The following GRAMD1B variants were observed in gnomAD, a reference collection of about 807,000 sequenced individuals.
The protein encoded by GRAMD1B is GRAM domain containing 1B, also known as protein Aster-B.
Under a neutral mutation model 99.7 loss-of-function variants are expected in GRAMD1B, and 37 were observed. The observed-to-expected ratio is 0.37, with a 90% CI of 0.29 to 0.49. The LOEUF (loss-of-function observed/expected upper bound fraction) is 0.49. Among genes scored for constraint, GRAMD1B ranks in the 20% least tolerant of loss-of-function variants. GRAMD1B has a pLI of 0.98. For synonymous variants in GRAMD1B, 427 were observed against 387.6 expected (o/e 1.10, Z -1.19); for missense variants, 888 against 1,009.2 (o/e 0.88, Z 1.63).
intron 1 of GRAMD1B, among the ~76,000 whole-genome samples, chr11:123,403,060 C>T (rs1213314693): frequency 6.6e-6 from 1 of 151,872 alleles, no homozygotes; most frequent in Non-Finnish European, 1.5e-5. Flanking sequence ...CTTCAGAAGC[C>T]CTCTGTGGAC....
intron 2 of GRAMD1B, among the ~76,000 whole-genome samples, chr11:123,500,092 C>T (rs1939704938): frequency 1.3e-5 from 2 of 152,182 alleles, no homozygotes; most frequent in South Asian, 4.1e-4. Flanking sequence ...CTTTGGGAGG[C>T]CGAGGCAGGC....
At chr11:123,462,890 T>TAA (rs55643501) in intron 1 of GRAMD1B, among the ~76,000 whole-genome samples, 23,786 of 120,722 alleles carry the variant, frequency 0.2, 2,018 homozygotes, top group East Asian at 0.3. Context: ...AAAAAATAAA[T>TAA]TAAAAAAAAA....
chr11:123,381,709 T>A (rs1377309737), intron 1 of GRAMD1B, among the ~76,000 whole-genome samples: 1 of 152,192 alleles, frequency 6.6e-6, no homozygotes, highest in Non-Finnish European at 1.5e-5. Flanking sequence ...GGGGAACAAA[T>A]ACATCAACGT....
In GRAMD1B at chr11:123,548,312, A is replaced by G. The variant is rs1367915664; in HGVS notation, c.453-29055A>G. On this transcript the variant is annotated intron_variant, in intron 2 of 19. Coordinates refer to ENST00000635736, the MANE Select transcript of GRAMD1B (RefSeq NM_001387025.1). ...CCAAAATATATATATATATATATAT[A>G]TATATATATATATACACACACACAC... 1.2e-4 allele frequency among the ~76,000 whole-genome samples: 11 copies of G among 92,596 alleles called. 1 individual carries two copies. The highest frequency in any genetic ancestry group is 6.3e-4 in the African/African-American group (11 of 17,594). The allele number at this position is 92,596 out of a possible 152,430, so 60.7% of individuals were successfully genotyped here.
chr11:123,513,871 G>A (rs147899823), intron 2 of GRAMD1B, among the ~76,000 whole-genome samples: 4,310 of 151,930 alleles, frequency 0.028, 205 homozygotes, highest in African/African-American at 0.092. Context: ...GCCCAGGCTG[G>A]TCTCGAACTC....
chr11:123,548,325 T>TATATACACACACACACACAC (rs1555067740), intron 2 of GRAMD1B, among the ~76,000 whole-genome samples: 6 of 86,892 alleles, frequency 6.9e-5, no homozygotes, highest in South Asian at 4.4e-4. Context: ...TATATATATA[T>TATATACACACACACACACAC]ACACACACAC....
At chr11:123,473,343 C>T (rs1370751166) in intron 1 of GRAMD1B, among the ~76,000 whole-genome samples, 2 of 152,148 alleles carry the variant, frequency 1.3e-5, no homozygotes, top group East Asian at 1.9e-4. Flanking sequence ...GGATTACAGG[C>T]GTGAGCCACC....
intron 2 of GRAMD1B, chr11:123,560,683 C>CGTGTGT (rs749623875): frequency 1.4e-4 from 61 of 426,324 alleles, no homozygotes; most frequent in Non-Finnish European, 2.0e-4. Context: ...ACGCCTGGTG[C>CGTGTGT]GTGTGTGTGT....
rs1034786800 is a variant in GRAMD1B at position 123,580,098 on chromosome 11, C to T, written c.663+2521C>T. ...ACTGATCATTGCCATCGACACTTGC[C>T]CTGCCATCCTTTCAATGGAGTTAAA... On this transcript the variant is annotated intron_variant, in intron 3 of 19. Coordinates refer to ENST00000635736, the MANE Select transcript of GRAMD1B (RefSeq NM_001387025.1). Among the ~76,000 whole-genome samples the T allele has an allele frequency of 2.6e-5, 4 of 152,304 alleles. No homozygotes were observed. The East Asian group carries it at 7.7e-4, about 29-fold the overall frequency.
intron 1 of GRAMD1B, chr11:123,459,199 C>T (rs1950298221): frequency 6.8e-6 from 1 of 147,666 alleles, no homozygotes; most frequent in African/African-American, 2.5e-5. Flanking sequence ...AAATAAGACA[C>T]TTCTATATAT....
chr11:123,389,899 C>T (rs570698538), intron 1 of GRAMD1B, among the ~76,000 whole-genome samples: 9 of 152,044 alleles, frequency 5.9e-5, no homozygotes, highest in Admixed American at 1.3e-4. Context: ...GGATTACAAG[C>T]GTATGCCACA....
chr11:123,528,268 A>G (rs1943005164), intron 2 of GRAMD1B, among the ~76,000 whole-genome samples: 1 of 152,228 alleles, frequency 6.6e-6, no homozygotes, highest in African/African-American at 2.4e-5. Context: ...CAAGATGACC[A>G]AATCTATTGA....
intron 1 of GRAMD1B, among the ~76,000 whole-genome samples, chr11:123,372,167 A>T (rs1243505930): frequency 6.6e-6 from 1 of 152,238 alleles, no homozygotes; most frequent in African/African-American, 2.4e-5. Flanking sequence ...GTAATTACCC[A>T]GCACTTCAAT....
At chr11:123,561,021 C>T (rs1026912211) in intron 2 of GRAMD1B, among the ~76,000 whole-genome samples, 3 of 152,202 alleles carry the variant, frequency 2.0e-5, no homozygotes, top group Middle Eastern at 3.4e-3. Flanking sequence ...CTTTTCTCCT[C>T]TATAGTAGCA....
At chr11:123,546,704 G>A (rs1202833778) in intron 2 of GRAMD1B, among the ~76,000 whole-genome samples, 1 of 152,202 alleles carries the variant, frequency 6.6e-6, no homozygotes, top group Non-Finnish European at 1.5e-5. Flanking sequence ...GGGTTTTGGT[G>A]AGTCAAATGT....
At chr11:123,618,254 A>C in intron 17 of GRAMD1B, 1 of 1,032,134 alleles carries the variant, frequency 9.7e-7, no homozygotes, top group Non-Finnish European at 1.5e-6. Flanking sequence ...ACTCACTCCC[A>C]GGTTGATTTT....
At chr11:123,479,957 T>C (rs1468551666) in intron 1 of GRAMD1B, among the ~76,000 whole-genome samples, 1 of 152,182 alleles carries the variant, frequency 6.6e-6, no homozygotes, top group Non-Finnish European at 1.5e-5. Flanking sequence ...TGGCTCTAGA[T>C]TGAGCCTAGA....
At chr11:123,367,122 T>A (rs1001655594) in intron 1 of GRAMD1B, among the ~76,000 whole-genome samples, 1 of 152,130 alleles carries the variant, frequency 6.6e-6, no homozygotes, top group African/African-American at 2.4e-5. Flanking sequence ...AGGATCACTT[T>A]AGCCCAAGAG....
chr11:123,573,310 A>G (rs1443194627), intron 2 of GRAMD1B, among the ~76,000 whole-genome samples: 1 of 152,222 alleles, frequency 6.6e-6, no homozygotes, highest in African/African-American at 2.4e-5. Flanking sequence ...AGGGTGGGAA[A>G]TTATAGGGGT....
Sources: gnomAD v4.1 joint callset for allele counts (sites outside exome capture counted in the v4.1 genomes callset) on GRCh38, gnomAD v4.1.1 for gene constraint, MANE v1.5 for transcripts, NCBI Gene and HGNC (gene_info 2026-07-23, HGNC 2026-07-21) for gene names.